The following HMGA2 variants were observed in gnomAD, a reference collection of about 807,000 sequenced individuals.
HMGA2 encodes high mobility group protein HMGI-C.
A neutral mutation model predicts 19.1 loss-of-function variants in HMGA2; 8 were observed. The observed-to-expected ratio is 0.42, with a 90% confidence interval of 0.25 to 0.76. HMGA2 has a LOEUF of 0.76. Ranked by LOEUF, HMGA2 falls within the 30% of genes least tolerant of loss-of-function variation. The pLI is 0.28. For synonymous variants in HMGA2, 60 were observed against 48.8 expected (o/e 1.23, Z -0.96); for missense variants, 109 against 136.3 (o/e 0.80, Z 1.00).
rs565806268 is a variant in HMGA2, at chr12:65,837,646, T to A, written c.199-873T>A. On this transcript the variant is annotated intron_variant, in intron 2 of 4. Coordinates refer to ENST00000403681, the MANE Select transcript of HMGA2 (RefSeq NM_003483.6). ...ATATGTGTGTGTATTGGTGTGTTGTTGTGTATGAAGATTGGACTAGGGCTG... is the reference window on the plus strand; with the variant it reads ...ATATGTGTGTGTATTGGTGTGTTGTAGTGTATGAAGATTGGACTAGGGCTG... Among the ~76,000 whole-genome samples, 3 of 152,302 alleles carry A rather than the reference T, an allele frequency of 2.0e-5. No individual in the cohort carries two copies. In the South Asian group the frequency reaches 6.2e-4, roughly 32 times the overall value.
intron 4 of HMGA2, chr12:65,958,273 A>C (rs946211320): frequency 1.3e-5 from 2 of 152,230 alleles, no homozygotes; most frequent in Non-Finnish European, 2.9e-5. Flanking sequence ...AAAAATAAAG[A>C]CAAGATCAGG....
intron 3 of HMGA2, chr12:65,915,165 G>C: frequency 6.2e-7 from 1 of 1,612,304 alleles, no homozygotes; most frequent in Non-Finnish European, 8.5e-7. Flanking sequence ...AGCTCTTCAT[G>C]TTATTTTCAC....
chr12:65,859,150 C>G (rs1871909461), intron 3 of HMGA2: 1 of 152,242 alleles, frequency 6.6e-6, no homozygotes, highest in Non-Finnish European at 1.5e-5. Context: ...ATTTCCTGTC[C>G]TGCTAGGTCA....
chr12:65,842,264 T>G, intron 3 of HMGA2: 1 of 566,856 alleles, frequency 1.8e-6, no homozygotes, highest in East Asian at 5.0e-5. Context: ...GGTATATTTC[T>G]CATAGAGTTG....
At position 65,886,357 on chromosome 12, in the gene HMGA2, T is replaced by TTC. The variant is rs201051303; in HGVS notation, c.249+47794_249+47795dup. Among the ~76,000 whole-genome samples, 31 of 149,008 alleles carry TTC rather than the reference T, an allele frequency of 2.1e-4. 1 individual carries two copies. The East Asian group carries it at 3.1e-3, about 15-fold the overall frequency. ...CTCCTCGCGGGGAGCTTCTTTCTTTTTCTCTCTTTTTTTTTTTTTTGAGAC... is the reference window on the plus strand; with the variant it reads ...CTCCTCGCGGGGAGCTTCTTTCTTTTTCTCTCTCTTTTTTTTTTTTTTGAGAC... On this transcript the variant is annotated intron_variant, in intron 3 of 4. Transcript: ENST00000403681.
chr12:65,913,314 T>G (rs1350910654), intron 3 of HMGA2, among the ~76,000 whole-genome samples: 1 of 152,158 alleles, frequency 6.6e-6, no homozygotes, highest in African/African-American at 2.4e-5. Context: ...ACTTCTCCGC[T>G]TTTCTCCGGG....
chr12:65,942,251 GA>G (rs1288755454), intron 3 of HMGA2, among the ~76,000 whole-genome samples: 1 of 152,124 alleles, frequency 6.6e-6, no homozygotes, highest in African/African-American at 2.4e-5. Context: ...TTTGATTTGT[GA>G]AAACCCAGCA....
chr12:65,877,521 G>C (rs1368763032), intron 3 of HMGA2, among the ~76,000 whole-genome samples: 1 of 152,324 alleles, frequency 6.6e-6, no homozygotes, highest in South Asian at 2.1e-4. Flanking sequence ...ACGGTGACTT[G>C]ATGTGAGCTG....
chr12:65,875,617 T>TTTTTTTTTTTTTTTTG (rs1872968067), intron 3 of HMGA2, among the ~76,000 whole-genome samples: 1 of 109,320 alleles, frequency 9.1e-6, no homozygotes, highest in Non-Finnish European at 1.8e-5. Flanking sequence ...TTTTTTTTTT[T>TTTTTTTTTTTTTTTTG]TTTTTTTTTT....
chr12:65,947,214 G>A (rs1876299506), intron 3 of HMGA2, among the ~76,000 whole-genome samples: 1 of 151,838 alleles, frequency 6.6e-6, no homozygotes, highest in Non-Finnish European at 1.5e-5. Context: ...TAACCTCCTA[G>A]GCTCAAGCAA....
intron 3 of HMGA2, among the ~76,000 whole-genome samples, chr12:65,947,928 A>G (rs932558972): frequency 7.2e-5 from 11 of 152,204 alleles, no homozygotes; most frequent in African/African-American, 2.7e-4. Context: ...TCTGGAGATG[A>G]AAATCAAAGC....
chr12:65,902,366 A>G (rs1874408784), intron 3 of HMGA2, among the ~76,000 whole-genome samples: 1 of 152,168 alleles, frequency 6.6e-6, no homozygotes, highest in African/African-American at 2.4e-5. Context: ...AATCTCTGTG[A>G]GCTCAATTAT....
intron 3 of HMGA2, among the ~76,000 whole-genome samples, chr12:65,839,574 T>C (rs1042722237): frequency 6.6e-6 from 1 of 152,224 alleles, no homozygotes; most frequent in African/African-American, 2.4e-5. Flanking sequence ...GTATTGCCTT[T>C]CTTTTAATTT....
chr12:65,884,933 G>A (rs1284221943), intron 3 of HMGA2, among the ~76,000 whole-genome samples: 1 of 152,120 alleles, frequency 6.6e-6, no homozygotes, highest in Non-Finnish European at 1.5e-5. Context: ...TGCTATATGT[G>A]TTAATTAATT....
intron 3 of HMGA2, among the ~76,000 whole-genome samples, chr12:65,906,340 C>T (rs532050155): frequency 8.5e-5 from 13 of 152,074 alleles, no homozygotes; most frequent in African/African-American, 4.8e-5. Context: ...TCAGTGCCTC[C>T]GATGATAGCA....
chr12:65,929,394 TA>T (rs1047685285), intron 3 of HMGA2, among the ~76,000 whole-genome samples: 7 of 151,820 alleles, frequency 4.6e-5, no homozygotes, highest in African/African-American at 1.7e-4. Flanking sequence ...TTACTTGTTT[TA>T]AAAAATTGAA....
At chr12:65,856,961 T>C (rs1050067815) in intron 3 of HMGA2, 2 of 152,220 alleles carry the variant, frequency 1.3e-5, no homozygotes, top group Non-Finnish European at 2.9e-5. Flanking sequence ...GTCACATTCA[T>C]AGAGACAAGG....
At chr12:65,888,387 G>A (rs937832299) in intron 3 of HMGA2, among the ~76,000 whole-genome samples, 1 of 151,258 alleles carries the variant, frequency 6.6e-6, no homozygotes, top group Admixed American at 6.6e-5. Context: ...CCCGGTAGGT[G>A]GAGGTTGCAG....
chr12:65,896,062 C>T (rs1380037997), intron 3 of HMGA2, among the ~76,000 whole-genome samples: 2 of 152,148 alleles, frequency 1.3e-5, no homozygotes, highest in Non-Finnish European at 2.9e-5. Flanking sequence ...TTGAGAATCT[C>T]CAAGGTTATG....
Sources: gnomAD v4.1 joint callset for allele counts (sites outside exome capture counted in the v4.1 genomes callset) on GRCh38, gnomAD v4.1.1 for gene constraint, MANE v1.5 for transcripts, NCBI Gene and HGNC (gene_info 2026-07-23, HGNC 2026-07-21) for gene names.